CFAP57: variants seen among roughly 807,000 people sequenced by gnomAD.
CFAP57 encodes cilia and flagella associated protein 57.
Under a neutral mutation model 146.8 loss-of-function variants are expected in CFAP57, and 116 were observed. The observed-to-expected ratio is 0.79, with a 90% CI of 0.68 to 0.92. The LOEUF is 0.92. CFAP57 is among the 40% of genes least tolerant of loss of function. The probability of loss-of-function intolerance (pLI) is 0.00; values close to 1 mark genes in which losing one functional copy is unlikely to be tolerated. For missense variants in CFAP57, 1,377 were observed against 1,527.2 expected, an observed-to-expected ratio of 0.90 and a Z score of 1.64; for synonymous variants, 518 against 552.8, an observed-to-expected ratio of 0.94 and a Z score of 0.88.
chr1:43,241,721 G>T (rs1047026874), intron 21 of CFAP57, among the ~76,000 whole-genome samples: 6 of 152,194 alleles, frequency 3.9e-5, no homozygotes, highest in Non-Finnish European at 8.8e-5. Context: ...TCTCTTGGAA[G>T]CCCAGTGCAG....
At position 43,222,126 on chromosome 1, in the gene CFAP57, T is replaced by G. The variant is rs1232865892; in HGVS notation, c.2363T>G (p.Leu788Trp). ...CCAGAATGTTGCAACAACCAAAAGT[T>G]GCTTCTAGAATATGAGAAGTACCAG... ...QDMECCNNQKLLLEYEKYQEL... is the reference protein window; with the variant it reads ...QDMECCNNQKWLLEYEKYQEL... Residue 788 changes from leucine to tryptophan, a missense_variant, in exon 15 of 23, where the codon TTG becomes TGG. Transcript: ENST00000372492. The G allele has an allele frequency of 6.5e-7, 1 of 1,547,594 alleles. No homozygotes were observed. Among genetic ancestry groups the G allele is most frequent in the African/African-American group, 1.4e-5 (1 of 72,908 alleles).
At chr1:43,193,275 A>G (rs777237904) in intron 6 of CFAP57, among the ~76,000 whole-genome samples, 35 of 152,026 alleles carry the variant, frequency 2.3e-4, no homozygotes, top group Non-Finnish European at 4.3e-4. Flanking sequence ...TGTGTCTCTT[A>G]TACACATCAT....
chr1:43,237,378 A>C (rs1031882894), intron 21 of CFAP57, among the ~76,000 whole-genome samples: 2 of 152,192 alleles, frequency 1.3e-5, no homozygotes, highest in Non-Finnish European at 2.9e-5. Context: ...TTCAGTACAC[A>C]TTTTTTGAGG....
intron 10 of CFAP57, among the ~76,000 whole-genome samples, chr1:43,207,272 C>T (rs1644398813): frequency 6.6e-6 from 1 of 152,178 alleles, no homozygotes; most frequent in South Asian, 2.1e-4. Context: ...CACTTACATT[C>T]CTGGGGTAAA....
intron 6 of CFAP57, chr1:43,196,394 ATC>A (rs1036807472): frequency 2.7e-4 from 42 of 153,402 alleles, no homozygotes; most frequent in African/African-American, 9.4e-4. Context: ...CCAGCATAGC[ATC>A]TCTTTCTCTG....
chr1:43,224,045 G>A lies in CFAP57; in HGVS notation c.2707-1G>A. The stretch of plus-strand genomic sequence containing the variant: ...TTTGTTGTTGCTGTTCGCTTTTCTA[G>A]TTCAGCAGCCTACAGAAGGAGATTG... On this transcript the variant is annotated splice_acceptor_variant, in intron 16 of 22. Coordinates refer to ENST00000372492, the MANE Select transcript of CFAP57 (RefSeq NM_001378189.1). LOFTEE classifies it high-confidence loss of function. The A allele has an allele frequency of 6.4e-7, 1 of 1,550,442 alleles. No homozygotes were observed. Among genetic ancestry groups the A allele is most frequent in the Non-Finnish European group, 8.7e-7 (1 of 1,146,912 alleles).
intron 15 of CFAP57, among the ~76,000 whole-genome samples, chr1:43,222,504 GAGAGAA>G (rs1405588922): frequency 7.9e-5 from 12 of 152,222 alleles, no homozygotes; most frequent in Admixed American, 1.3e-4. Context: ...CAAGTTCTGT[GAGAGAA>G]AAATATAGGA....
intron 9 of CFAP57, among the ~76,000 whole-genome samples, chr1:43,200,286 G>C (rs1644061343): frequency 6.6e-6 from 1 of 152,066 alleles, no homozygotes; most frequent in South Asian, 2.1e-4. Context: ...AGGAGTTCGA[G>C]ACTAGCCTGG....
intron 21 of CFAP57, among the ~76,000 whole-genome samples, chr1:43,234,981 C>T (rs1420281211): frequency 6.6e-6 from 1 of 152,142 alleles, no homozygotes; most frequent in East Asian, 1.9e-4. Context: ...TCTCATCAGC[C>T]CCTTGGCCCT....
intron 2 of CFAP57, among the ~76,000 whole-genome samples, chr1:43,181,260 T>C (rs672895): frequency 0.19 from 28,672 of 151,992 alleles, 4,010 homozygotes; most frequent in African/African-American, 0.37. Context: ...TTAGTAGAGA[T>C]GGGGTTTCAC....
At chr1:43,211,128 C>T (rs868177796) in intron 11 of CFAP57, among the ~76,000 whole-genome samples, 6 of 152,204 alleles carry the variant, frequency 3.9e-5, no homozygotes, top group African/African-American at 4.8e-5. Flanking sequence ...AAAGGTTTCT[C>T]ATTATAAAAC....
intron 2 of CFAP57, among the ~76,000 whole-genome samples, chr1:43,180,257 T>C (rs12041979): frequency 0.17 from 25,112 of 144,066 alleles, 3,523 homozygotes; most frequent in African/African-American, 0.35. Flanking sequence ...TATACACACA[T>C]ATATTATTTA....
chr1:43,198,575 C>G lies in CFAP57; in HGVS notation c.1357C>G (p.Leu453Val). The change falls in exon 8 of 23, where the codon CTA becomes GTA. Residue 453 changes from leucine to valine, a missense_variant. Leu to Val is a conservative substitution (Grantham distance 32). Coordinates refer to ENST00000372492, the MANE Select transcript of CFAP57 (RefSeq NM_001378189.1). ...CATTGTAGTAGGGTTTGCTGACAAA[C>G]TACGCCTCATGAATCTACTCATTGA... ...HFIVVGFADK[L>V]RLMNLLIDDI... 6.2e-7 allele frequency: 1 copy of G among 1,614,114 alleles called. No individual in the cohort carries two copies. The highest frequency in any genetic ancestry group is 1.1e-5 in the South Asian group (1 of 91,084).
At chr1:43,210,405 C>A in intron 11 of CFAP57, 1 of 1,201,422 alleles carries the variant, frequency 8.3e-7, no homozygotes, top group Non-Finnish European at 1.0e-6. Context: ...GTTCAACAGT[C>A]AAAATGTGGA....
In CFAP57 at chr1:43,172,783, T is replaced by A; in HGVS notation, c.30T>A (p.His10Gln). The A allele has an allele frequency of 6.2e-7, 1 of 1,614,170 alleles. No homozygotes were observed. The highest frequency in any genetic ancestry group is 1.3e-5 in the African/African-American group (1 of 75,040). Residue 10 changes from histidine to glutamine, a missense_variant, in exon 2 of 23, where the codon CAT becomes CAA. Physicochemically the swap from His to Gln is conservative, Grantham distance 24 (BLOSUM62 0). Transcript: ENST00000372492. Reference sequence around the variant, plus strand: ...CAGCCGTGGTAGCTCAGACGCTGCATGTTTTTGGTCTTCGATCCCACGTGG... The same window carrying A: ...CAGCCGTGGTAGCTCAGACGCTGCAAGTTTTTGGTCTTCGATCCCACGTGG... MSAVVAQTL[H>Q]VFGLRSHVAN...
At position 43,173,192 on chromosome 1, in the gene CFAP57, A is replaced by G. The variant is rs894300054; in HGVS notation, c.157+282A>G. On this transcript the variant is annotated intron_variant, in intron 2 of 22. Coordinates refer to ENST00000372492, the MANE Select transcript of CFAP57 (RefSeq NM_001378189.1). ...CCCCTCTTTTGGTGTCTTCAATATC[A>G]CTGCCTTTGTCATCACCAGAGCCAC... 4.6e-5 allele frequency among the ~76,000 whole-genome samples: 7 copies of G among 152,218 alleles called. 1 individual carries two copies. Among genetic ancestry groups the G allele is most frequent in the Middle Eastern group, 3.2e-3 (1 of 316 alleles).
intron 3 of CFAP57, among the ~76,000 whole-genome samples, chr1:43,182,066 T>C (rs548456711): frequency 5.9e-5 from 9 of 152,092 alleles, no homozygotes; most frequent in African/African-American, 2.2e-4. Context: ...ATCACAGAGG[T>C]AGTGAATAGC....
At chr1:43,197,138 G>A (rs1176844725) in intron 6 of CFAP57, among the ~76,000 whole-genome samples, 2 of 152,098 alleles carry the variant, frequency 1.3e-5, no homozygotes, top group Non-Finnish European at 2.9e-5. Context: ...CGGATCATAA[G>A]GTCAGGAGAT....
chr1:43,213,296 A>G (rs1471594090), intron 11 of CFAP57, among the ~76,000 whole-genome samples: 1 of 152,156 alleles, frequency 6.6e-6, no homozygotes, highest in African/African-American at 2.4e-5. Flanking sequence ...GAGAACACAC[A>G]ATATTTGTTT....
Sources: allele counts gnomAD v4.1 joint callset (sites outside exome capture counted in the v4.1 genomes callset), GRCh38; gene constraint gnomAD v4.1.1; transcripts MANE v1.5; gene names NCBI Gene and HGNC (gene_info 2026-07-23, HGNC 2026-07-21).